The following TNFRSF8 variants were observed in gnomAD, a reference collection of about 807,000 sequenced individuals.
TNFRSF8 encodes TNF receptor superfamily member 8.
In TNFRSF8, 26 loss-of-function variants were observed where a neutral mutation model predicts 70.8. The ratio of observed to expected loss-of-function variants is 0.37; its 90% CI spans 0.27 to 0.51. TNFRSF8 has a LOEUF of 0.51. Ranked by LOEUF, TNFRSF8 falls within the 20% of genes least tolerant of loss-of-function variation. The probability of loss-of-function intolerance (pLI) is 0.94; values close to 1 mark genes in which losing one functional copy is unlikely to be tolerated. For synonymous variants in TNFRSF8, 356 were observed against 339.2 expected (o/e 1.05, Z -0.54); for missense variants, 720 against 807.9 (o/e 0.89, Z 1.32).
At chr1:12,093,132 G>A (rs1035565428) in intron 2 of TNFRSF8, among the ~76,000 whole-genome samples, 1 of 152,236 alleles carries the variant, frequency 6.6e-6, no homozygotes, top group South Asian at 2.1e-4. Context: ...GAGAACACCG[G>A]TCAGATTAGA....
At chr1:12,131,337 C>T (rs879532609) in intron 12 of TNFRSF8, among the ~76,000 whole-genome samples, 2 of 152,060 alleles carry the variant, frequency 1.3e-5, no homozygotes, top group Non-Finnish European at 1.5e-5. Flanking sequence ...GTAATCCCAG[C>T]TACTCGGGAG....
intron 4 of TNFRSF8, among the ~76,000 whole-genome samples, chr1:12,107,556 T>C (rs1455876550): frequency 7.7e-6 from 1 of 129,390 alleles, no homozygotes; most frequent in Non-Finnish European, 1.6e-5. Flanking sequence ...ATTTTAGATA[T>C]ACTGGGTTAA....
In TNFRSF8 at chr1:12,126,065, G is replaced by C. The variant is rs1364153540; in HGVS notation, c.1255+13G>C. On this transcript the variant is annotated intron_variant, in intron 11 of 14. Coordinates refer to ENST00000263932, the MANE Select transcript of TNFRSF8 (RefSeq NM_001243.5). Reference sequence around the variant, plus strand: ...CGAATTCGGCAGAGTAAGTGGCTGTGTCCTTGGGGCCTTGGGGAGGACAGG... The same window carrying C: ...CGAATTCGGCAGAGTAAGTGGCTGTCTCCTTGGGGCCTTGGGGAGGACAGG... The C allele has an allele frequency of 3.1e-6, 5 of 1,613,846 alleles. No homozygotes were observed. Among genetic ancestry groups the C allele is most frequent in the Non-Finnish European group, 4.2e-6 (5 of 1,179,702 alleles).
intron 2 of TNFRSF8, among the ~76,000 whole-genome samples, chr1:12,087,165 C>CT (rs71230982): frequency 0.2 from 16,639 of 83,900 alleles, 4,018 homozygotes; most frequent in South Asian, 0.27. Context: ...CTCTCTCTCT[C>CT]TTTTTTTTTT....
chr1:12,106,123 C>T (rs1280002594), intron 4 of TNFRSF8, among the ~76,000 whole-genome samples: 1 of 151,998 alleles, frequency 6.6e-6, no homozygotes, highest in Non-Finnish European at 1.5e-5. Flanking sequence ...GTGTCTAAGC[C>T]ATCTTCCCAG....
intron 8 of TNFRSF8, among the ~76,000 whole-genome samples, chr1:12,117,560 C>G (rs1570054436): frequency 6.6e-6 from 1 of 152,312 alleles, no homozygotes; most frequent in East Asian, 1.9e-4. Flanking sequence ...CTCACACTCT[C>G]CGCCCATGGG....
chr1:12,126,226 A>G lies in TNFRSF8; in HGVS notation c.1299A>G (p.Leu433=). The G allele has an allele frequency of 1.2e-6, 2 of 1,613,170 alleles. No homozygotes were observed. Among genetic ancestry groups the G allele is most frequent in the Non-Finnish European group, 1.7e-6 (2 of 1,179,188 alleles). The part of the protein sequence containing the change: ...CYPVQTSQPK[L]ELVDSRPRRS... ...CGGTCCAGACCTCCCAGCCCAAGCTAGAGCTTGTGGGTGAGTGTCCAGCCG... is the reference window on the plus strand; with the variant it reads ...CGGTCCAGACCTCCCAGCCCAAGCTGGAGCTTGTGGGTGAGTGTCCAGCCG... Residue 433 remains leucine (L), a synonymous_variant, in exon 12 of 15, where the codon CTA becomes CTG. Coordinates refer to ENST00000263932, the MANE Select transcript of TNFRSF8 (RefSeq NM_001243.5).
In TNFRSF8 at chr1:12,088,980, C is replaced by T. The variant is rs1456170406; in HGVS notation, c.151+4429C>T. Among the ~76,000 whole-genome samples the T allele has an allele frequency of 6.6e-6, 1 of 152,216 alleles. No individual in the cohort carries two copies. Among genetic ancestry groups the T allele is most frequent in the African/African-American group, 2.4e-5 (1 of 41,456 alleles). On this transcript the variant is annotated intron_variant, in intron 2 of 14. Transcript: ENST00000263932. This position sits in a 1 kb window ranked among gnomAD's most constrained non-coding sequence, Gnocchi z 4.0. The stretch of plus-strand genomic sequence containing the variant: ...GTCCCAGCAGAGCCCCCTCACAGCA[C>T]CTCCTGGCCCCCCACTGTCCCTGTG...
chr1:12,099,994 C>A (rs1641392020), intron 3 of TNFRSF8, among the ~76,000 whole-genome samples: 3 of 152,014 alleles, frequency 2.0e-5, no homozygotes, highest in South Asian at 4.1e-4. Context: ...CATGGCGAAA[C>A]CCCATCTCTA....
intron 2 of TNFRSF8, among the ~76,000 whole-genome samples, chr1:12,092,686 T>A (rs1006581223): frequency 5.3e-5 from 8 of 151,814 alleles, no homozygotes; most frequent in Non-Finnish European, 1.0e-4. Context: ...TTTTTTGTAT[T>A]TTTAGGAGAG....
At chr1:12,101,317 C>T (rs756689351) in intron 3 of TNFRSF8, among the ~76,000 whole-genome samples, 7 of 151,990 alleles carry the variant, frequency 4.6e-5, no homozygotes, top group Non-Finnish European at 7.4e-5. Flanking sequence ...GTCCCAGCTA[C>T]TCAGGAGGCT....
At chr1:12,092,222 A>G (rs1557583215) in intron 2 of TNFRSF8, among the ~76,000 whole-genome samples, 1 of 152,156 alleles carries the variant, frequency 6.6e-6, no homozygotes, top group Non-Finnish European at 1.5e-5. Flanking sequence ...TCTGTCACCC[A>G]GGCTGGAGTG....
rs1371673045 is a variant in TNFRSF8 at position 12,119,066 on chromosome 1, T to C, written c.946+3337T>C. ...TTTTAGTAGAGACAGGGTTTCACCA[T>C]GATGGTCAGGCTGGTCTCGAACTCC... On this transcript the variant is annotated intron_variant, in intron 8 of 14. Coordinates refer to ENST00000263932, the MANE Select transcript of TNFRSF8 (RefSeq NM_001243.5). This position sits in a 1 kb window ranked among gnomAD's most constrained non-coding sequence, Gnocchi z 4.4. Among the ~76,000 whole-genome samples the C allele has an allele frequency of 6.6e-6, 1 of 152,174 alleles. No individual in the cohort carries two copies. The highest frequency in any genetic ancestry group is 1.5e-5 in the Non-Finnish European group (1 of 68,018).
chr1:12,123,644 G>A, intron 9 of TNFRSF8, 71 bp from the exon 10 acceptor site: 1 of 1,333,896 alleles, frequency 7.5e-7, no homozygotes, highest in South Asian at 1.3e-5. Flanking sequence ...TCCAGAGAAA[G>A]GGAATTATTC....
intron 8 of TNFRSF8, among the ~76,000 whole-genome samples, chr1:12,116,747 C>T (rs1291597956): frequency 6.6e-6 from 1 of 152,050 alleles, no homozygotes; most frequent in Non-Finnish European, 1.5e-5. Flanking sequence ...TTGCAGTGAG[C>T]CGAGATTGCA....
intron 7 of TNFRSF8, among the ~76,000 whole-genome samples, chr1:12,115,376 C>T (rs918223449): frequency 3.9e-5 from 6 of 152,224 alleles, no homozygotes; most frequent in Admixed American, 6.5e-5. Flanking sequence ...AGAATACCCT[C>T]GCTTTTTGCC....
chr1:12,118,605 A>T (rs1641775924), intron 8 of TNFRSF8, among the ~76,000 whole-genome samples: 1 of 152,188 alleles, frequency 6.6e-6, no homozygotes, highest in African/African-American at 2.4e-5. Context: ...TTACATCCAT[A>T]AGGTGGGCAC....
chr1:12,081,768 G>T (rs1209376313), intron 1 of TNFRSF8, among the ~76,000 whole-genome samples: 1 of 152,166 alleles, frequency 6.6e-6, no homozygotes, highest in Non-Finnish European at 1.5e-5. Flanking sequence ...TCCCTCGAGT[G>T]GAGAGAAGAG....
chr1:12,110,154 C>T lies in TNFRSF8; in HGVS notation c.626C>T (p.Thr209Met), dbSNP rs563802219. The T allele has an allele frequency of 1.1e-5, 18 of 1,612,198 alleles. No individual in the cohort carries two copies. The highest frequency in any genetic ancestry group is 1.7e-4 in the Middle Eastern group (1 of 6,050). The change falls in exon 6 of 15, where the codon ACG (threonine) becomes ATG (methionine). Residue 209 changes from threonine to methionine, a missense_variant. Transcript: ENST00000263932. The surrounding 1 kb of genome is among the most constrained non-coding windows in gnomAD (Gnocchi z 4.0). ...GCCCAGGAAGCTGCTTCTAAACTGACGAGGGCTCCCGACTCTCCCTCCTCT... is the reference window on the plus strand; with the variant it reads ...GCCCAGGAAGCTGCTTCTAAACTGATGAGGGCTCCCGACTCTCCCTCCTCT... ...RLAQEAASKL[T>M]RAPDSPSSVG...
Sources: allele counts gnomAD v4.1 joint callset (sites outside exome capture counted in the v4.1 genomes callset), GRCh38; gene constraint gnomAD v4.1.1; non-coding constraint Gnocchi (gnomAD v3.1); transcripts MANE v1.5; gene names NCBI Gene and HGNC (gene_info 2026-07-23, HGNC 2026-07-21).